THSD7B: variants seen among roughly 807,000 people sequenced by gnomAD.
THSD7B encodes thrombospondin type-1 domain-containing protein 7B.
A neutral mutation model predicts 213.6 loss-of-function variants in THSD7B; 138 were observed. The ratio of observed to expected loss-of-function variants is 0.65; its 90% confidence interval spans 0.56 to 0.74. The LOEUF (loss-of-function observed/expected upper bound fraction) is 0.74, where lower values mean the gene tolerates loss of function less well. Among genes scored for constraint, THSD7B ranks in the 30% least tolerant of loss-of-function variants. The pLI is 0.00. For synonymous variants in THSD7B, 742 were observed against 687.0 expected (o/e 1.08, Z -1.25); for missense variants, 1,931 against 1,991.5 (o/e 0.97, Z 0.58).
At chr2:137,254,583 C>G (rs569138582) in intron 10 of THSD7B, among the ~76,000 whole-genome samples, 1 of 152,284 alleles carries the variant, frequency 6.6e-6, no homozygotes, top group African/African-American at 2.4e-5. Context: ...TAACAGACTT[C>G]TGGTGGACTC....
In THSD7B at chr2:137,639,049, G is replaced by T. The variant is rs113434191; in HGVS notation, c.3800-3439G>T. ...TGAGGAGAAATTCAAGCCAGCTGCA[G>T]AAATTTGCATAAGTAGCAAGGACTC... On this transcript the variant is annotated intron_variant, in intron 20 of 27. Transcript: ENST00000409968. 7.3e-5 allele frequency among the ~76,000 whole-genome samples: 11 copies of T among 151,332 alleles called. 3 individuals carry two copies. Among genetic ancestry groups the T allele is most frequent in the African/African-American group, 1.9e-4 (8 of 41,132 alleles).
At chr2:136,789,493 C>G (rs1050783907) in intron 1 of THSD7B, among the ~76,000 whole-genome samples, 1 of 151,936 alleles carries the variant, frequency 6.6e-6, no homozygotes, top group Non-Finnish European at 1.5e-5. Context: ...TAGGAACATT[C>G]GAATTATTCT....
At chr2:137,465,984 A>G (rs1452157838) in intron 15 of THSD7B, among the ~76,000 whole-genome samples, 1 of 152,104 alleles carries the variant, frequency 6.6e-6, no homozygotes, top group Non-Finnish European at 1.5e-5. Flanking sequence ...CATGGTTTGG[A>G]GTGGCACGAT....
intron 12 of THSD7B, among the ~76,000 whole-genome samples, chr2:137,288,676 G>C (rs1196504686): frequency 6.6e-6 from 1 of 151,776 alleles, no homozygotes; most frequent in East Asian, 1.9e-4. Context: ...AATGAGAATA[G>C]GATAATATTG....
intron 15 of THSD7B, among the ~76,000 whole-genome samples, chr2:137,554,017 A>C (rs1680901547): frequency 7.6e-6 from 1 of 131,936 alleles, no homozygotes; most frequent in African/African-American, 3.0e-5. Flanking sequence ...GATTCTTAAA[A>C]GATAGCTACT....
intron 15 of THSD7B, among the ~76,000 whole-genome samples, chr2:137,533,226 T>A (rs1680432903): frequency 6.6e-6 from 1 of 151,850 alleles, no homozygotes; most frequent in Non-Finnish European, 1.5e-5. Context: ...TTCTGACTCA[T>A]TCCTCTCGTA....
At chr2:137,404,949 C>T (rs894779047) in intron 12 of THSD7B, among the ~76,000 whole-genome samples, 9 of 151,520 alleles carry the variant, frequency 5.9e-5, no homozygotes, top group East Asian at 1.9e-4. Flanking sequence ...CACACATCTC[C>T]GCTAAAGAAT....
intron 2 of THSD7B, among the ~76,000 whole-genome samples, chr2:136,954,714 C>CAAAAAAAAAAAAAAAAAAAAAAAA (rs11378111): frequency 3.4e-5 from 3 of 89,396 alleles, no homozygotes; most frequent in African/African-American, 1.7e-4. Context: ...GACTCTGTCT[C>CAAAAAAAAAAAAAAAAAAAAAAAA]AAAAAAAAAA....
chr2:137,251,159 A>C (rs751917150), intron 10 of THSD7B, among the ~76,000 whole-genome samples: 2 of 152,200 alleles, frequency 1.3e-5, no homozygotes, highest in Non-Finnish European at 2.9e-5. Flanking sequence ...AAGCAAACCT[A>C]GCAAACTGCT....
chr2:137,266,758 A>G (rs972936112), intron 10 of THSD7B, among the ~76,000 whole-genome samples: 4 of 152,032 alleles, frequency 2.6e-5, no homozygotes, highest in Admixed American at 6.6e-5. Flanking sequence ...AGTGCCCCCA[A>G]TTTCCTGGCC....
intron 12 of THSD7B, among the ~76,000 whole-genome samples, chr2:137,346,986 T>C (rs1684889780): frequency 6.6e-6 from 1 of 151,656 alleles, no homozygotes; most frequent in Non-Finnish European, 1.5e-5. Context: ...TGTTTAACTT[T>C]CTGAGGAGCC....
chr2:136,881,549 CAA>C (rs1558836677), intron 1 of THSD7B, among the ~76,000 whole-genome samples: 2 of 152,082 alleles, frequency 1.3e-5, no homozygotes, highest in African/African-American at 4.8e-5. Flanking sequence ...TTCTAGCAGT[CAA>C]AGTCAGTTTT....
At chr2:137,642,224 T>C (rs2104862271) in intron 20 of THSD7B, 1 of 360,456 alleles carries the variant, frequency 2.8e-6, no homozygotes, top group Non-Finnish European at 5.0e-6. Context: ...AAGATCAGTC[T>C]ACTTGGCAAC....
chr2:137,624,077 A>G (rs1391947271), intron 20 of THSD7B, among the ~76,000 whole-genome samples: 5 of 152,226 alleles, frequency 3.3e-5, no homozygotes, highest in Non-Finnish European at 7.3e-5. Context: ...ACTTCAAACT[A>G]TACTACAAGG....
intron 2 of THSD7B, among the ~76,000 whole-genome samples, chr2:136,890,303 C>CCTCCTCCTCTT (rs1553455794): frequency 3.9e-4 from 2 of 5,162 alleles, no homozygotes; most frequent in African/African-American, 1.1e-3. Context: ...ATGTCCTACT[C>CCTCCTCCTCTT]CTTCTTCTTC....
chr2:137,611,571 T>C (rs1682290214), intron 17 of THSD7B, among the ~76,000 whole-genome samples: 1 of 152,144 alleles, frequency 6.6e-6, no homozygotes, highest in African/African-American at 2.4e-5. Context: ...GACTGACATA[T>C]AGTAAACACT....
chr2:136,802,823 C>T (rs1038060564), intron 1 of THSD7B, among the ~76,000 whole-genome samples: 6 of 151,120 alleles, frequency 4.0e-5, no homozygotes, highest in Admixed American at 3.3e-4. Context: ...GTGAGACCTC[C>T]CTCTTCACTT....
intron 5 of THSD7B, among the ~76,000 whole-genome samples, chr2:137,125,082 T>C (rs534806270): frequency 1.3e-5 from 2 of 152,292 alleles, no homozygotes; most frequent in African/African-American, 4.8e-5. Flanking sequence ...ATTTGAATAA[T>C]CTATGGGCAT....
chr2:136,869,801 C>G (rs778174), intron 1 of THSD7B, among the ~76,000 whole-genome samples: 1 of 152,030 alleles, frequency 6.6e-6, no homozygotes, highest in Admixed American at 6.5e-5. Flanking sequence ...CGGCTGGGCA[C>G]GGTGGCTCAC....
Sources: allele counts gnomAD v4.1 joint callset (sites outside exome capture counted in the v4.1 genomes callset), GRCh38; gene constraint gnomAD v4.1.1; transcripts MANE v1.5; gene names NCBI Gene and HGNC (gene_info 2026-07-23, HGNC 2026-07-21).